CFAP221: variants seen among roughly 807,000 people sequenced by gnomAD.
CFAP221 encodes the protein cilia- and flagella-associated protein 221.
In CFAP221, 97 loss-of-function variants were observed where a neutral mutation model predicts 113.1. The ratio of observed to expected loss-of-function variants is 0.86; its 90% confidence interval spans 0.73 to 1.02. CFAP221 has a LOEUF of 1.02. Ranked by LOEUF, CFAP221 falls within the 50% of genes least tolerant of loss-of-function variation. CFAP221 has a pLI of 0.00. For missense variants in CFAP221, 1,025 were observed against 1,013.4 expected (o/e 1.01, Z -0.16); for synonymous variants, 331 against 354.4 (o/e 0.93, Z 0.74).
chr2:119,588,767 G>A (rs1683387914), intron 7 of CFAP221, among the ~76,000 whole-genome samples: 1 of 152,158 alleles, frequency 6.6e-6, no homozygotes, highest in Non-Finnish European at 1.5e-5. Flanking sequence ...AAATTAAATT[G>A]AATATACCAG....
At chr2:119,556,994 T>G (rs1680854111) in intron 3 of CFAP221, 1 of 152,202 alleles carries the variant, frequency 6.6e-6, no homozygotes. Context: ...TCAAGTCTCT[T>G]TATTTGTCCA....
chr2:119,602,570 G>T, intron 8 of CFAP221: 1 of 959,574 alleles, frequency 1.0e-6, no homozygotes, highest in Non-Finnish European at 1.2e-6. Context: ...CTCACTCCAT[G>T]ATATCTTAGA....
Position 119,608,580 on chromosome 2 carries a change from C to G in CFAP221, c.1212C>G (p.Ala404=), listed in dbSNP as rs141322055. The G allele has an allele frequency of 3.3e-4, 525 of 1,611,046 alleles. 1 individual carries two copies. The African/African-American group carries it at 6.1e-3, about 19-fold the overall frequency. Residue 404 remains alanine (A), a synonymous_variant, in exon 12 of 24, where the codon GCC becomes GCG. Transcript: ENST00000413369. The part of the protein sequence containing the change: ...ELTEEWQKAC[A]KYKLDRGDPI... ...CTGAAGAGTGGCAAAAAGCATGTGC[C>G]AAATATAAGGTCAGAGTTACTGCTA...
At position 119,587,160 on chromosome 2, in the gene CFAP221, ATT is replaced by A. The variant is rs1226678775; in HGVS notation, c.572_573del (p.Phe191Ter). On this transcript the variant is annotated frameshift_variant, in exon 7 of 24. Coordinates refer to ENST00000413369, the MANE Select transcript of CFAP221 (RefSeq NM_001271049.2). LOFTEE classifies it high-confidence loss of function. Reference sequence around the variant, plus strand: ...CCTTTGCAGTGCAGCTGCCCTGTAGATTTTGAGTTTTATATCACCTTGATTCA... The same window carrying A: ...CCTTTGCAGTGCAGCTGCCCTGTAGATTGAGTTTTATATCACCTTGATTCA... The A allele has an allele frequency of 7.2e-6, 11 of 1,532,606 alleles. No homozygotes were observed. The highest frequency in any genetic ancestry group is 9.6e-6 in the Non-Finnish European group (11 of 1,145,200). The allele number at this position is 1,532,606 out of a possible 1,614,324, so 94.9% of individuals were successfully genotyped here. A position where few individuals can be genotyped will look rare whatever the true frequency, so the allele number is the denominator to read the frequency against.
chr2:119,645,070 TTTTTC>T (rs1427245509), intron 21 of CFAP221, among the ~76,000 whole-genome samples: 3 of 143,470 alleles, frequency 2.1e-5, no homozygotes, highest in African/African-American at 7.8e-5. Context: ...GGGTAATTTC[TTTTTC>T]TTTTCTCTTT....
chr2:119,572,618 C>T (rs1423775239), intron 6 of CFAP221: 1 of 694,400 alleles, frequency 1.4e-6, no homozygotes, highest in East Asian at 2.7e-5. Context: ...AGTTGCTCTC[C>T]CATCAACTCA....
intron 7 of CFAP221, among the ~76,000 whole-genome samples, chr2:119,595,981 G>GTGT: frequency 6.6e-6 from 1 of 152,038 alleles, no homozygotes; most frequent in Admixed American, 6.6e-5. Flanking sequence ...TGTGGCCAGG[G>GTGT]TGTGTGAGCA....
At chr2:119,564,251 A>G (rs1037504464) in intron 6 of CFAP221, among the ~76,000 whole-genome samples, 2 of 152,146 alleles carry the variant, frequency 1.3e-5, no homozygotes, top group Admixed American at 6.5e-5. Context: ...ATGGAACTCC[A>G]AAGTTTAGAT....
At chr2:119,631,220 C>CA (rs1214152522) in intron 19 of CFAP221, 3 of 484,968 alleles carry the variant, frequency 6.2e-6, no homozygotes, top group Non-Finnish European at 8.3e-6. Context: ...TGAAAACAAA[C>CA]AAAAAATCTG....
intron 6 of CFAP221, among the ~76,000 whole-genome samples, chr2:119,583,163 A>G (rs66643144): frequency 0.051 from 7,737 of 151,966 alleles, 300 homozygotes; most frequent in Admixed American, 0.093. Flanking sequence ...ATTAATTGGG[A>G]AAAAAAAGCT....
intron 11 of CFAP221, 131 bp downstream of exon 11, chr2:119,605,420 G>A (rs1465697720): frequency 9.7e-6 from 7 of 718,844 alleles, no homozygotes; most frequent in Non-Finnish European, 1.6e-5. Context: ...TTGTTTCACT[G>A]CCAGTGGTCC....
intron 22 of CFAP221, among the ~76,000 whole-genome samples, chr2:119,647,294 T>A (rs908424746): frequency 3.3e-5 from 5 of 152,122 alleles, no homozygotes; most frequent in Non-Finnish European, 7.3e-5. Context: ...AAGGGAGAGA[T>A]CTGAGGTGGT....
chr2:119,597,404 A>G (rs965689957), intron 7 of CFAP221, among the ~76,000 whole-genome samples: 10 of 152,330 alleles, frequency 6.6e-5, no homozygotes, highest in Middle Eastern at 6.8e-3. Context: ...TCTATAATCC[A>G]GTGAATCGAA....
At chr2:119,605,430 C>T (rs1684673417) in intron 11 of CFAP221, 141 bp downstream of exon 11, 2 of 688,554 alleles carry the variant, frequency 2.9e-6, no homozygotes, top group Non-Finnish European at 5.0e-6. Context: ...GCCAGTGGTC[C>T]TTCAGTAGGA....
At chr2:119,653,051 A>G (rs1219623296) in intron 23 of CFAP221, among the ~76,000 whole-genome samples, 1 of 150,610 alleles carries the variant, frequency 6.6e-6, no homozygotes, top group Non-Finnish European at 1.5e-5. Context: ...AGTTAAATAT[A>G]TATTTTCCAT....
intron 13 of CFAP221, among the ~76,000 whole-genome samples, chr2:119,613,147 A>G (rs1685294663): frequency 6.6e-6 from 1 of 152,258 alleles, no homozygotes; most frequent in Non-Finnish European, 1.5e-5. Flanking sequence ...ATGGGCTCCC[A>G]TAGCCTTGGA....
chr2:119,613,675 A>G (rs1271466237), intron 13 of CFAP221, among the ~76,000 whole-genome samples: 1 of 152,044 alleles, frequency 6.6e-6, no homozygotes, highest in Non-Finnish European at 1.5e-5. Context: ...CCACAAAACC[A>G]TTTTTCCCTC....
chr2:119,627,735 G>A lies in CFAP221; in HGVS notation c.1599G>A (p.Val533=). Residue 533 remains valine, a synonymous_variant, in exon 16 of 24, where the codon GTG becomes GTA. Coordinates refer to ENST00000413369, the MANE Select transcript of CFAP221 (RefSeq NM_001271049.2). ...TSRFSVSPKE[V]LPFAFPDCSP... is the part of the protein sequence containing the mutation. ...GGTTCTCTGTGTCGCCCAAGGAGGT[G>A]CTGCCCTTCGCTTTCCCAGACTGCA... 6.2e-7 allele frequency: 1 copy of A among 1,613,808 alleles called. No individual in the cohort carries two copies. Among genetic ancestry groups the A allele is most frequent in the Non-Finnish European group, 8.5e-7 (1 of 1,179,932 alleles).
intron 8 of CFAP221, chr2:119,602,775 G>A (rs1313221072): frequency 1.0e-5 from 10 of 985,224 alleles, no homozygotes; most frequent in Non-Finnish European, 1.2e-5. Context: ...GAGCAAAATG[G>A]TGTTTGCCAC....
Sources: gnomAD v4.1 joint callset for allele counts (sites outside exome capture counted in the v4.1 genomes callset) on GRCh38, gnomAD v4.1.1 for gene constraint, MANE v1.5 for transcripts, NCBI Gene and HGNC (gene_info 2026-07-23, HGNC 2026-07-21) for gene names.